NDUFA5: variants seen among roughly 807,000 people sequenced by gnomAD.
NDUFA5 encodes the protein NADH dehydrogenase [ubiquinone] 1 alpha subcomplex subunit 5.
Under a neutral mutation model 19.8 loss-of-function variants are expected in NDUFA5, and 11 were observed. The observed-to-expected ratio is 0.56, with a 90% CI of 0.35 to 0.92. The LOEUF (loss-of-function observed/expected upper bound fraction) is 0.92. NDUFA5 is among the 40% of genes least tolerant of loss of function. The pLI, the probability that NDUFA5 is intolerant of heterozygous loss-of-function variation, is 0.01. For synonymous variants in NDUFA5, 47 were observed against 46.8 expected (o/e 1.00, Z -0.01); for missense variants, 109 against 134.2 (o/e 0.81, Z 0.93).
chr7:123,563,022 A>G, the NDUFA5 span, among the ~76,000 whole-genome samples: 6 of 152,116 alleles, frequency 3.9e-5, no homozygotes, highest in Admixed American at 1.3e-4. Context: ...GCTGGCCTAG[A>G]ACTCCTGACC....
upstream of NDUFA5, chr7:123,557,915 A>T (rs565083578): frequency 1.3e-6 from 2 of 1,566,348 alleles, no homozygotes; most frequent in Non-Finnish European, 1.7e-6. Context: ...CCCCTTCAGG[A>T]TCGCCAAAGG....
At chr7:123,557,924 G>T (rs2116220547), upstream of NDUFA5, 3 of 1,524,036 alleles carry the variant, frequency 2.0e-6, no homozygotes, top group East Asian at 6.9e-5. Flanking sequence ...GATCGCCAAA[G>T]GAGCAAAGAC....
chr7:123,557,931 AG>A, upstream of NDUFA5: 1 of 1,467,534 alleles, frequency 6.8e-7, no homozygotes, highest in Non-Finnish European at 9.4e-7. Flanking sequence ...AAAGGAGCAA[AG>A]ACTCTGCCCC....
At chr7:123,550,440 C>CTGGATACCACA (rs1562895997) in intron 3 of NDUFA5, 30 bp downstream of exon 3, 2 of 1,344,898 alleles carry the variant, frequency 1.5e-6, no homozygotes, top group Non-Finnish European at 2.0e-6. Flanking sequence ...AAATGTTACA[C>CTGGATACCACA]AAGACAACAA....
At position 123,541,517 on chromosome 7, in the gene NDUFA5, T is replaced by C. The variant is rs564581949; in HGVS notation, c.*602A>G. ...TAAGACTATAAGAAAACAGAGTAAATGGTATAATTCAATAATGACTAAAAT... is the reference window on the plus strand; with the variant it reads ...TAAGACTATAAGAAAACAGAGTAAACGGTATAATTCAATAATGACTAAAAT... On this transcript the variant is annotated 3_prime_UTR_variant, in exon 5 of 5. Coordinates refer to ENST00000355749, the MANE Select transcript of NDUFA5 (RefSeq NM_005000.5). 7.0e-4 allele frequency: 106 copies of C among 152,242 alleles called. No homozygotes were observed. Among genetic ancestry groups the C allele is most frequent in the African/African-American group, 2.4e-3 (98 of 41,550 alleles). 9.4% of individuals were successfully genotyped at this position (152,242 alleles called of 1,614,324 possible). A position where few individuals can be genotyped will look rare whatever the true frequency, so the allele number is the denominator to read the frequency against.
the NDUFA5 span, among the ~76,000 whole-genome samples, chr7:123,580,771 C>T: frequency 1.3e-5 from 2 of 151,898 alleles, no homozygotes; most frequent in Non-Finnish European, 2.9e-5. Context: ...TACCTGGAAG[C>T]CCTGAGATAA....
At position 123,540,667 on chromosome 7, in the gene NDUFA5, G is replaced by A. The variant is rs979382948; in HGVS notation, c.*1452C>T. On this transcript the variant is annotated 3_prime_UTR_variant, in exon 5 of 5. Transcript: ENST00000355749. ...AAACTTGCCTCAATGTAGTCATTGA[G>A]TTAACAACACTAGAACCATGAGAAT... 6.6e-6 allele frequency: 1 copy of A among 152,052 alleles called. No homozygotes were observed. The highest frequency in any genetic ancestry group is 2.4e-5 in the African/African-American group (1 of 41,378). 9.4% of individuals were successfully genotyped at this position (152,052 alleles called of 1,614,324 possible).
the NDUFA5 span, among the ~76,000 whole-genome samples, chr7:123,593,750 A>C: frequency 3.3e-5 from 5 of 151,642 alleles, no homozygotes; most frequent in Non-Finnish European, 5.9e-5. Flanking sequence ...CTGAACACTT[A>C]TGTGTCTTGG....
rs1472636235 is a variant in NDUFA5 at position 123,539,551 on chromosome 7, ATTAGT to A, written c.*2563_*2567del. On this transcript the variant is annotated 3_prime_UTR_variant, in exon 5 of 5. Coordinates refer to ENST00000355749, the MANE Select transcript of NDUFA5 (RefSeq NM_005000.5). The stretch of plus-strand genomic sequence containing the variant: ...ATAGGCCATTCTGAAAATTATTAAA[ATTAGT>A]TTAGTAGCCACTCAAAACACTGAAG... The A allele has an allele frequency of 6.6e-6, 1 of 152,202 alleles. No homozygotes were observed. Among genetic ancestry groups the A allele is most frequent in the Non-Finnish European group, 1.5e-5 (1 of 68,030 alleles). The allele number at this position is 152,202 out of a possible 1,614,324, so 9.4% of individuals were successfully genotyped here. A position where few individuals can be genotyped will look rare whatever the true frequency, so the allele number is the denominator to read the frequency against.
At chr7:123,590,477 C>T in the NDUFA5 span, among the ~76,000 whole-genome samples, 14 of 152,106 alleles carry the variant, frequency 9.2e-5, no homozygotes, top group Non-Finnish European at 1.8e-4. Flanking sequence ...AGTCTTTAAT[C>T]CATCTTGAGT....
At chr7:123,581,174 T>TGTTGCTCAGGGCATGAAC in the NDUFA5 span, among the ~76,000 whole-genome samples, 1 of 151,918 alleles carries the variant, frequency 6.6e-6, no homozygotes, top group Non-Finnish European at 1.5e-5. Context: ...AGAGCATGAA[T>TGTTGCTCAGGGCATGAAC]GTTGCTCAGG....
At chr7:123,578,291 C>T in the NDUFA5 span, among the ~76,000 whole-genome samples, 1 of 150,644 alleles carries the variant, frequency 6.6e-6, no homozygotes, top group Non-Finnish European at 1.5e-5. Flanking sequence ...CCTCTTGGTC[C>T]CTCTTTCATT....
At chr7:123,568,536 AAAAG>A in the NDUFA5 span, among the ~76,000 whole-genome samples, 1 of 151,922 alleles carries the variant, frequency 6.6e-6, no homozygotes, top group Non-Finnish European at 1.5e-5. Flanking sequence ...AAAAAAAAAA[AAAAG>A]AAAATTAAAA....
At chr7:123,569,403 A>G in the NDUFA5 span, among the ~76,000 whole-genome samples, 1 of 152,020 alleles carries the variant, frequency 6.6e-6, no homozygotes, top group Middle Eastern at 3.4e-3. Context: ...GCTAGGGCCC[A>G]AAAAAAAGGC....
intron 4 of NDUFA5, 60 bp downstream of exon 4, chr7:123,545,551 A>G: frequency 7.6e-7 from 1 of 1,323,156 alleles, no homozygotes; most frequent in Non-Finnish European, 1.1e-6. Context: ...CTTTCATTCT[A>G]GAACGTCAGT....
At chr7:123,552,611 T>G (rs1272107227) in intron 2 of NDUFA5, among the ~76,000 whole-genome samples, 5 of 125,120 alleles carry the variant, frequency 4.0e-5, no homozygotes, top group Admixed American at 2.8e-4. Context: ...GTTCTGCACA[T>G]GTACCCCAGA....
rs757218368 is a variant in NDUFA5 at position 123,545,686 on chromosome 7, C to T, written c.184-10G>A. On this transcript the variant is annotated splice_polypyrimidine_tract_variant and intron_variant, in intron 3 of 4. Transcript: ENST00000355749. Reference sequence around the variant, plus strand: ...TTTTAACATCTGGTTCCTATAATTTCAGGGAGAAAAAAAATTAAAGAAGCA... The same window carrying T: ...TTTTAACATCTGGTTCCTATAATTTTAGGGAGAAAAAAAATTAAAGAAGCA... The T allele has an allele frequency of 1.1e-5, 18 of 1,593,454 alleles. No individual in the cohort carries two copies. The highest frequency in any genetic ancestry group is 1.4e-5 in the African/African-American group (1 of 74,044).
chr7:123,563,972 C>CA, the NDUFA5 span, among the ~76,000 whole-genome samples: 95 of 151,708 alleles, frequency 6.3e-4, no homozygotes, highest in African/African-American at 1.9e-3. Flanking sequence ...TAAAATCTAT[C>CA]AAAAAAAAGG....
the NDUFA5 span, among the ~76,000 whole-genome samples, chr7:123,595,867 G>T: frequency 6.6e-6 from 1 of 152,190 alleles, no homozygotes; most frequent in South Asian, 2.1e-4. Flanking sequence ...AAATTACCCA[G>T]ACATTCCAAG....
Sources: gnomAD v4.1 joint callset for allele counts (sites outside exome capture counted in the v4.1 genomes callset) on GRCh38, gnomAD v4.1.1 for gene constraint, MANE v1.5 for transcripts, NCBI Gene and HGNC (gene_info 2026-07-23, HGNC 2026-07-21) for gene names.